Variants in MYO7A observed in about 807,000 individuals in gnomAD.
MYO7A encodes unconventional myosin-VIIa.
In MYO7A, 210 loss-of-function variants were observed where a neutral mutation model predicts 263.8. That is an observed-to-expected ratio of 0.80 (90% CI 0.71 to 0.89). The LOEUF (loss-of-function observed/expected upper bound fraction) is 0.89. MYO7A is among the 40% of genes least tolerant of loss of function. The pLI, the probability that MYO7A is intolerant of heterozygous loss-of-function variation, is 0.00. For synonymous variants in MYO7A, 1,239 were observed against 1,197.3 expected (o/e 1.03, Z -0.72); for missense variants, 2,820 against 2,968.3 (o/e 0.95, Z 1.16).
At chr11:77,178,896 G>T (rs1954910708) in intron 19 of MYO7A, 149 bp from the exon 20 acceptor site, 2 of 634,588 alleles carry the variant, frequency 3.2e-6, no homozygotes, top group African/African-American at 3.6e-5. Flanking sequence ...GGATGAGGAA[G>T]CTGAGGCACA....
intron 30 of MYO7A, 62 bp downstream of exon 30, chr11:77,190,932 C>T (rs1956021150): frequency 1.4e-6 from 2 of 1,460,600 alleles, no homozygotes; most frequent in South Asian, 1.3e-5. Context: ...CTCCGGGCTG[C>T]CAGTGCTGCC....
intron 32 of MYO7A, among the ~76,000 whole-genome samples, chr11:77,195,657 C>G (rs1317155180): frequency 1.3e-5 from 2 of 152,224 alleles, no homozygotes; most frequent in Non-Finnish European, 2.9e-5. Flanking sequence ...CTTTGGAGCC[C>G]ACAGCTGAGC....
chr11:77,151,541 G>A (rs1314612776), intron 4 of MYO7A, among the ~76,000 whole-genome samples: 2 of 152,156 alleles, frequency 1.3e-5, no homozygotes, highest in Non-Finnish European at 2.9e-5. Flanking sequence ...GCCTCAGAGA[G>A]GCCCCCTGAG....
intron 9 of MYO7A, among the ~76,000 whole-genome samples, chr11:77,158,897 G>A (rs1195259767): frequency 6.6e-6 from 1 of 152,200 alleles, no homozygotes; most frequent in Non-Finnish European, 1.5e-5. Flanking sequence ...TGAGGCAGGT[G>A]GCAGGTCCCA....
chr11:77,131,652 G>C (rs991646454), intron 2 of MYO7A, among the ~76,000 whole-genome samples: 2 of 152,184 alleles, frequency 1.3e-5, no homozygotes, highest in Admixed American at 6.5e-5. Context: ...CCCTCAGGGG[G>C]CCTCTGAGGC....
intron 19 of MYO7A, 95 bp downstream of exon 19, chr11:77,177,738 GA>G: frequency 5.1e-6 from 5 of 982,432 alleles, no homozygotes; most frequent in Non-Finnish European, 7.7e-6. Context: ...TGAACACTAG[GA>G]AAAAAACGTG....
chr11:77,159,632 T>G, intron 10 of MYO7A, 109 bp downstream of exon 10: 1 of 1,138,170 alleles, frequency 8.8e-7, no homozygotes, highest in Non-Finnish European at 1.3e-6. Context: ...ACCCTCTGGT[T>G]TGGAGAGTTC....
chr11:77,154,635 C>G (rs1431598293), intron 4 of MYO7A, among the ~76,000 whole-genome samples: 1 of 151,448 alleles, frequency 6.6e-6, no homozygotes, highest in South Asian at 2.1e-4. Context: ...CCCCACCCCA[C>G]CCCAGCTCTT....
chr11:77,185,687 C>T (rs1955596761), intron 27 of MYO7A, among the ~76,000 whole-genome samples: 1 of 152,190 alleles, frequency 6.6e-6, no homozygotes, highest in African/African-American at 2.4e-5. Context: ...ATTTGACCTC[C>T]TTCTACGAAT....
Position 77,159,219 on chromosome 11 carries a change from G to A in MYO7A, c.1004-228G>A, listed in dbSNP as rs7104088. Among the ~76,000 whole-genome samples the A allele has an allele frequency of 0.014, 2,179 of 152,358 alleles. 56 individuals are homozygous for A. Among genetic ancestry groups the A allele is most frequent in the African/African-American group, 0.049 (2,018 of 41,570 alleles). On this transcript the variant is annotated intron_variant, in intron 9 of 48. Transcript: ENST00000409709. ...CCTCGAATGCCAGGCATGGTGCCAT[G>A]TGCAGGGCATACGTGGTCCCTACCC...
chr11:77,170,328 G>T (rs1023534231), intron 15 of MYO7A, among the ~76,000 whole-genome samples: 40 of 152,174 alleles, frequency 2.6e-4, no homozygotes, highest in African/African-American at 9.4e-4. Context: ...ATGCCCTGAG[G>T]TGCTTTGCAA....
chr11:77,163,988 G>T (rs1953284295), intron 14 of MYO7A, among the ~76,000 whole-genome samples: 1 of 152,170 alleles, frequency 6.6e-6, no homozygotes, highest in Admixed American at 6.5e-5. Flanking sequence ...AGGTGGGGGG[G>T]GCTTGACTGT....
chr11:77,156,209 A>G, intron 5 of MYO7A, 118 bp downstream of exon 5: 1 of 1,130,904 alleles, frequency 8.8e-7, no homozygotes, highest in Non-Finnish European at 1.3e-6. Flanking sequence ...CAAGCTCTTC[A>G]GGAACCAGAC....
chr11:77,177,922 A>T (rs1488771556), intron 19 of MYO7A, among the ~76,000 whole-genome samples: 1 of 152,118 alleles, frequency 6.6e-6, no homozygotes, highest in Non-Finnish European at 1.5e-5. Context: ...TCACATGTGG[A>T]CCCACTGTTC....
chr11:77,177,657 C>G lies in MYO7A; in HGVS notation c.2282+14C>G. 1.9e-6 allele frequency: 3 copies of G among 1,593,350 alleles called. No homozygotes were observed. Among genetic ancestry groups the G allele is most frequent in the Non-Finnish European group, 2.6e-6 (3 of 1,168,038 alleles). On this transcript the variant is annotated intron_variant, in intron 19 of 48. Coordinates refer to ENST00000409709, the MANE Select transcript of MYO7A (RefSeq NM_000260.4). ...ATTCAAAGACAGGTGCGTGTTCCCACCAGCTCCTCCCCTCCTCAGCCCACA... is the reference window on the plus strand; with the variant it reads ...ATTCAAAGACAGGTGCGTGTTCCCAGCAGCTCCTCCCCTCCTCAGCCCACA...
At chr11:77,140,214 G>T (rs1472160822) in intron 2 of MYO7A, among the ~76,000 whole-genome samples, 1 of 152,312 alleles carries the variant, frequency 6.6e-6, no homozygotes, top group East Asian at 1.9e-4. Context: ...GAGGGATACA[G>T]GTGACTCAGA....
At chr11:77,190,590 G>A in intron 29 of MYO7A, 107 bp from the exon 30 acceptor site, 1 of 1,281,972 alleles carries the variant, frequency 7.8e-7, no homozygotes, top group Non-Finnish European at 1.1e-6. Context: ...CTGGGGCCTG[G>A]GGTGCTGGGG....
intron 16 of MYO7A, 113 bp from the exon 17 acceptor site, chr11:77,174,643 A>G (rs542521215): frequency 2.6e-6 from 3 of 1,132,146 alleles, no homozygotes; most frequent in African/African-American, 3.1e-5. Flanking sequence ...TGCTCCTCCC[A>G]TGCCGTGTGG....
At chr11:77,156,836 C>T (rs575725097) in intron 6 of MYO7A, 26 bp from the exon 7 acceptor site, 2 of 1,613,906 alleles carry the variant, frequency 1.2e-6, no homozygotes, top group South Asian at 1.1e-5. Flanking sequence ...GCGGGCTTTG[C>T]CAGTGACACC....
Sources: gnomAD v4.1 joint callset for allele counts (sites outside exome capture counted in the v4.1 genomes callset) on GRCh38, gnomAD v4.1.1 for gene constraint, MANE v1.5 for transcripts, NCBI Gene and HGNC (gene_info 2026-07-23, HGNC 2026-07-21) for gene names.